The following CDKAL1 variants were observed in gnomAD, a reference collection of about 807,000 sequenced individuals.
CDKAL1 encodes threonylcarbamoyladenosine tRNA methylthiotransferase.
CDKAL1 carries 32 observed loss-of-function variants against 68.2 expected under a neutral mutation model. The ratio of observed to expected loss-of-function variants is 0.47; its 90% CI spans 0.35 to 0.63. The LOEUF is 0.63. Among genes scored for constraint, CDKAL1 ranks in the 30% least tolerant of loss-of-function variants. The probability of loss-of-function intolerance (pLI) is 0.00; values close to 1 mark genes in which losing one functional copy is unlikely to be tolerated. For synonymous variants in CDKAL1, 234 were observed against 244.3 expected (o/e 0.96, Z 0.39); for missense variants, 606 against 696.7 (o/e 0.87, Z 1.47).
At chr6:20,787,962 A>C (rs1368302534) in intron 8 of CDKAL1, among the ~76,000 whole-genome samples, 1 of 152,154 alleles carries the variant, frequency 6.6e-6, no homozygotes, top group Non-Finnish European at 1.5e-5. Flanking sequence ...GTGTTGTAAG[A>C]TTCTTTATTC....
At chr6:21,004,617 TA>T (rs1767625076) in intron 11 of CDKAL1, among the ~76,000 whole-genome samples, 1 of 152,088 alleles carries the variant, frequency 6.6e-6, no homozygotes, top group South Asian at 2.1e-4. Context: ...TTTGTAGGGA[TA>T]GGGGAAGAAA....
At chr6:20,928,415 G>A (rs1763277252) in intron 9 of CDKAL1, among the ~76,000 whole-genome samples, 1 of 152,154 alleles carries the variant, frequency 6.6e-6, no homozygotes, top group Admixed American at 6.5e-5. Context: ...TTTCACAGAT[G>A]TGCTCTCAAG....
At chr6:20,960,762 A>G (rs1765016336) in intron 10 of CDKAL1, among the ~76,000 whole-genome samples, 1 of 152,226 alleles carries the variant, frequency 6.6e-6, no homozygotes, top group African/African-American at 2.4e-5. Context: ...CGGTTGTCAT[A>G]TATGTTTCTC....
intron 10 of CDKAL1, among the ~76,000 whole-genome samples, chr6:20,982,618 A>C (rs2150777048): frequency 6.6e-6 from 1 of 152,216 alleles, no homozygotes; most frequent in African/African-American, 2.4e-5. Context: ...AAAAGAAAAA[A>C]AAAACCAACT....
At chr6:20,739,394 A>G (rs1377945607) in intron 5 of CDKAL1, 125 bp from the exon 6 acceptor site, 2 of 566,200 alleles carry the variant, frequency 3.5e-6, no homozygotes, top group Non-Finnish European at 6.3e-6. Flanking sequence ...ACCAGTTGTA[A>G]GAAAATCTTG....
intron 15 of CDKAL1, among the ~76,000 whole-genome samples, chr6:21,229,166 A>G (rs765777120): frequency 6.6e-6 from 1 of 152,186 alleles, no homozygotes; most frequent in African/African-American, 2.4e-5. Flanking sequence ...AGCCTTCTAC[A>G]GACAGAGCAA....
intron 5 of CDKAL1, among the ~76,000 whole-genome samples, 181 bp from the exon 6 acceptor site, chr6:20,739,338 G>A (rs943220304): frequency 1.3e-5 from 2 of 152,146 alleles, no homozygotes; most frequent in African/African-American, 4.8e-5. Context: ...CTTTAATGCT[G>A]CGATAAATAG....
chr6:21,180,344 CTTTTT>C (rs34495587), intron 13 of CDKAL1, among the ~76,000 whole-genome samples: 1 of 140,810 alleles, frequency 7.1e-6, no homozygotes, highest in Non-Finnish European at 1.5e-5. Flanking sequence ...CTTTAAGTTT[CTTTTT>C]TTTTTTTTTT....
chr6:20,944,508 T>A (rs1485523085), intron 9 of CDKAL1, among the ~76,000 whole-genome samples: 2 of 152,014 alleles, frequency 1.3e-5, no homozygotes, highest in African/African-American at 4.8e-5. Context: ...CACCATGCTG[T>A]GTTAATTTTT....
chr6:20,834,892 C>T (rs1777865330), intron 8 of CDKAL1, among the ~76,000 whole-genome samples: 1 of 152,120 alleles, frequency 6.6e-6, no homozygotes, highest in Non-Finnish European at 1.5e-5. Context: ...TTTCTGTCTC[C>T]CTCTATCACC....
intron 5 of CDKAL1, among the ~76,000 whole-genome samples, chr6:20,729,987 A>G (rs189000458): frequency 6.6e-5 from 10 of 152,298 alleles, no homozygotes; most frequent in Admixed American, 5.2e-4. Context: ...CTCTGGAGGA[A>G]GGAGGTGGTT....
intron 12 of CDKAL1, among the ~76,000 whole-genome samples, chr6:21,099,813 A>G (rs9350319): frequency 0.28 from 42,183 of 152,122 alleles, 6,007 homozygotes; most frequent in South Asian, 0.34. Flanking sequence ...ATGTCGTAAG[A>G]CTGTTTCTGG....
At chr6:21,130,101 G>C (rs1775224890) in intron 13 of CDKAL1, among the ~76,000 whole-genome samples, 2 of 150,528 alleles carry the variant, frequency 1.3e-5, no homozygotes, top group African/African-American at 4.9e-5. Flanking sequence ...ATTTATTTTT[G>C]TTTCTAGCTA....
In CDKAL1 at chr6:20,955,485, A is replaced by C. The variant is rs200719734; in HGVS notation, c.809A>C (p.Asn270Thr). 1.2e-6 allele frequency: 2 copies of C among 1,613,976 alleles called. No homozygotes were observed. The highest frequency in any genetic ancestry group is 8.5e-7 in the Non-Finnish European group (1 of 1,179,998). ...TGAYGRDIGTNLPTLLWKLVE... is the reference protein window; with the variant it reads ...TGAYGRDIGTTLPTLLWKLVE... ...GCTTATGGCAGAGATATTGGCACCA[A>C]TCTCCCCACACTCCTGTGGAAACTG... Residue 270 changes from asparagine to threonine, a missense_variant, in exon 10 of 16, where the codon AAT becomes ACT. By Grantham distance (65) the Asn-to-Thr change is moderately conservative. Transcript: ENST00000274695.
At chr6:20,891,414 A>T (rs766743320) in intron 9 of CDKAL1, among the ~76,000 whole-genome samples, 11 of 152,108 alleles carry the variant, frequency 7.2e-5, no homozygotes, top group Non-Finnish European at 1.2e-4. Context: ...CTCCCCCTGG[A>T]GTGCAGATCA....
chr6:21,014,562 G>T (rs965616209), intron 11 of CDKAL1, among the ~76,000 whole-genome samples: 33 of 150,496 alleles, frequency 2.2e-4, no homozygotes, highest in African/African-American at 8.1e-4. Context: ...AATGAGCCAA[G>T]ATCACGCCAC....
intron 13 of CDKAL1, among the ~76,000 whole-genome samples, chr6:21,133,786 G>A (rs955650982): frequency 1.3e-5 from 2 of 152,062 alleles, no homozygotes; most frequent in Admixed American, 1.3e-4. Context: ...GTTTTTACTT[G>A]TACTAACCTC....
chr6:20,970,047 G>A (rs1765517033), intron 10 of CDKAL1, among the ~76,000 whole-genome samples: 1 of 151,616 alleles, frequency 6.6e-6, no homozygotes, highest in South Asian at 2.1e-4. Flanking sequence ...TTTGACAAAT[G>A]TCTTTGGGCA....
intron 13 of CDKAL1, among the ~76,000 whole-genome samples, chr6:21,143,996 T>TA (rs36008085): frequency 0.46 from 68,950 of 149,894 alleles, 16,356 homozygotes; most frequent in African/African-American, 0.55. Context: ...AGTTGGATGG[T>TA]AAAAAAAAAA....
Sources: gnomAD v4.1 joint callset for allele counts (sites outside exome capture counted in the v4.1 genomes callset) on GRCh38, gnomAD v4.1.1 for gene constraint, MANE v1.5 for transcripts, NCBI Gene and HGNC (gene_info 2026-07-23, HGNC 2026-07-21) for gene names.